The following DDX24 variants were observed in gnomAD, a reference collection of about 807,000 sequenced individuals.
DDX24 encodes the protein DEAD-box helicase 24.
DDX24 carries 24 observed loss-of-function variants against 68.9 expected under a neutral mutation model. That is an observed-to-expected ratio of 0.35 (90% confidence interval 0.25 to 0.49). The LOEUF (loss-of-function observed/expected upper bound fraction) is 0.49, where lower values mean the gene tolerates loss of function less well. Among genes scored for constraint, DDX24 ranks in the 20% least tolerant of loss-of-function variants. DDX24 has a pLI of 0.99. For missense variants in DDX24, 989 were observed against 1,039.0 expected, an observed-to-expected ratio of 0.95 and a Z score of 0.66; for synonymous variants, 395 against 385.2, an observed-to-expected ratio of 1.03 and a Z score of -0.30.
chr14:94,053,208 GTGTGTTTAAGGCAGGTATCACTC>G, intron 7 of DDX24, 81 bp from the exon 8 acceptor site: 1 of 1,589,776 alleles, frequency 6.3e-7, no homozygotes, highest in South Asian at 1.1e-5. Flanking sequence ...AGTTGTGTTT[GTGTGTTTAAGGCAGGTATCACTC>G]TGCTGCCCAG....
At chr14:94,057,676 G>A (rs991087936) in intron 6 of DDX24, 146 bp downstream of exon 6, 5 of 659,616 alleles carry the variant, frequency 7.6e-6, no homozygotes, top group Non-Finnish European at 1.3e-5. Context: ...TGTTGCAAAA[G>A]TGGGAGTAGT....
Position 94,079,481 on chromosome 14 carries a change from C to T in DDX24, c.262G>A (p.Glu88Lys). 6.2e-7 allele frequency: 1 copy of T among 1,614,070 alleles called. No homozygotes were observed. The highest frequency in any genetic ancestry group is 8.5e-7 in the Non-Finnish European group (1 of 1,180,026). Residue 88 changes from glutamate (E) to lysine (K), a missense_variant, in exon 2 of 9, where the codon GAG becomes AAG. By Grantham distance (56) the Glu-to-Lys change is moderately conservative. Transcript: ENST00000621632. ...TTTGGTGAGCTAGACTTTCCCTCCTCCTCCTCCTCTTCTTCTGAAACAGCT... is the reference window on the plus strand; with the variant it reads ...TTTGGTGAGCTAGACTTTCCCTCCTTCTCCTCCTCTTCTTCTGAAACAGCT... ...AQAVSEEEEE[E>K]EGKSSSPKKK...
At chr14:94,079,002 G>T in intron 2 of DDX24, 23 bp downstream of exon 2, 1 of 1,597,976 alleles carries the variant, frequency 6.3e-7, no homozygotes, top group Non-Finnish European at 8.5e-7. Context: ...AAGCAATCCT[G>T]CTTTGGCCAG....
At position 94,063,837 on chromosome 14, in the gene DDX24, A is replaced by T. The variant is rs1055751476; in HGVS notation, c.719-1216T>A. On this transcript the variant is annotated intron_variant, in intron 2 of 8. Coordinates refer to ENST00000621632, the MANE Select transcript of DDX24 (RefSeq NM_020414.4). The stretch of plus-strand genomic sequence containing the variant: ...AGGATTGCTTGAGCATGGGAGTTTG[A>T]GGCTGCAGTGAGCCATGATCGTGCC... 2.0e-5 allele frequency among the ~76,000 whole-genome samples: 3 copies of T among 152,228 alleles called. 1 individual carries two copies. The highest frequency in any genetic ancestry group is 1.9e-4 in the East Asian group (1 of 5,198).
In DDX24 at chr14:94,051,300, C is replaced by T. The variant is rs925425981; in HGVS notation, c.2471G>A (p.Ser824Asn). Residue 824 changes from serine to asparagine, a missense_variant, in exon 9 of 9, where the codon AGT becomes AAT. Transcript: ENST00000621632. ...GKPPLLVSAPSKSESALSCLS... is the reference protein window; with the variant it reads ...GKPPLLVSAPNKSESALSCLS... ...ACAGCTCAAAGCAGACTCGCTCTTACTTGGGGCAGACACAAGCAGGGGCGG... is the reference window on the plus strand; with the variant it reads ...ACAGCTCAAAGCAGACTCGCTCTTATTTGGGGCAGACACAAGCAGGGGCGG... 6.2e-7 allele frequency: 1 copy of T among 1,613,084 alleles called. No individual in the cohort carries two copies. The highest frequency in any genetic ancestry group is 1.3e-5 in the African/African-American group (1 of 74,858).
intron 2 of DDX24, among the ~76,000 whole-genome samples, chr14:94,078,667 T>C (rs8017510): frequency 0.32 from 48,383 of 152,048 alleles, 7,880 homozygotes; most frequent in Admixed American, 0.39. Context: ...CTTTGAGCTA[T>C]TTAGAAAAGG....
At position 94,055,029 on chromosome 14, in the gene DDX24, G is replaced by T; in HGVS notation, c.2145C>A (p.Phe715Leu). ...CATCCATGTATTTTGTCTGCACGGG[G>T]AACAGTGGGATATCCTCATCTTTCT... is the stretch of plus-strand genomic sequence containing the variant. ...TLKKDEDIPL[F>L]PVQTKYMDVV... The change falls in exon 7 of 9, where the codon TTC becomes TTA. Residue 715 changes from phenylalanine to leucine, a missense_variant. By Grantham distance (22) the Phe-to-Leu change is conservative. Coordinates refer to ENST00000621632, the MANE Select transcript of DDX24 (RefSeq NM_020414.4). 1 of 1,614,172 alleles carries T rather than the reference G, an allele frequency of 6.2e-7. No homozygotes were observed. The highest frequency in any genetic ancestry group is 1.1e-5 in the South Asian group (1 of 91,074).
intron 5 of DDX24, among the ~76,000 whole-genome samples, chr14:94,059,219 G>A (rs901441572): frequency 1.3e-5 from 2 of 152,202 alleles, no homozygotes; most frequent in Admixed American, 1.3e-4. Flanking sequence ...ATTACCCCAT[G>A]ACCTGACAAA....
At position 94,057,889 on chromosome 14, in the gene DDX24, A is replaced by G; in HGVS notation, c.1922T>C (p.Leu641Pro). The G allele has an allele frequency of 6.2e-7, 1 of 1,614,000 alleles. No homozygotes were observed. Among genetic ancestry groups the G allele is most frequent in the Non-Finnish European group, 8.5e-7 (1 of 1,179,956 alleles). The change falls in exon 6 of 9, where the codon CTC becomes CCC. Residue 641 changes from leucine to proline, a missense_variant. By Grantham distance (98) the Leu-to-Pro change is moderately conservative. Transcript: ENST00000621632. ...EQFARLEDCV[L>P]LATDVAARGL... ...CCGAGCTGCCACATCTGTTGCCAAG[A>G]GAACACAGCTGGGGTAGAGAGAGAA...
intron 2 of DDX24, among the ~76,000 whole-genome samples, chr14:94,064,093 T>TA (rs1271562358): frequency 6.6e-6 from 1 of 152,194 alleles, no homozygotes; most frequent in African/African-American, 2.4e-5. Flanking sequence ...TGCGAAGTAG[T>TA]AAATTACTTG....
chr14:94,053,660 C>T (rs1595372587), intron 7 of DDX24, among the ~76,000 whole-genome samples: 2 of 151,804 alleles, frequency 1.3e-5, no homozygotes, highest in African/African-American at 4.8e-5. Context: ...ACTAAAAATA[C>T]AAAATTAGCT....
Position 94,048,640 on chromosome 14 carries a change from T to C in DDX24, c.*2551A>G, listed in dbSNP as rs1309062868. 2 of 152,224 alleles carry C rather than the reference T, an allele frequency of 1.3e-5. No homozygotes were observed. The highest frequency in any genetic ancestry group is 3.8e-4 in the East Asian group (2 of 5,198). The allele number at this position is 152,224 out of a possible 1,614,324, so 9.4% of individuals were successfully genotyped here. A position where few individuals can be genotyped will look rare whatever the true frequency, so the allele number is the denominator to read the frequency against. ...TCATCGTATGGGCTCTGCAAAGGGA[T>C]ATTCCCCAACCTGTCCTTCCTGACA... On this transcript the variant is annotated 3_prime_UTR_variant, in exon 9 of 9. Transcript: ENST00000621632.
chr14:94,069,654 T>C (rs538588345), intron 2 of DDX24, among the ~76,000 whole-genome samples: 1 of 152,324 alleles, frequency 6.6e-6, no homozygotes, highest in South Asian at 2.1e-4. Context: ...ATCAAAAAGA[T>C]AACCCACCAT....
Position 94,079,606 on chromosome 14 carries a change from T to C in DDX24, c.137A>G (p.Asp46Gly). 6.2e-6 allele frequency: 10 copies of C among 1,614,112 alleles called. No individual in the cohort carries two copies. The highest frequency in any genetic ancestry group is 8.5e-6 in the Non-Finnish European group (10 of 1,180,008). Residue 46 changes from aspartate (D) to glycine (G), a missense_variant, in exon 2 of 9, where the codon GAC becomes GGC. Transcript: ENST00000621632. ...PNMFADGQMDDLVCFEELTDY... is the reference protein window; with the variant it reads ...PNMFADGQMDGLVCFEELTDY... ...TGTCAATTCCTCAAAGCACACCAAG[T>C]CATCCATCTGTCCATCTGCAAACAT...
chr14:94,068,760 A>T lies in DDX24; in HGVS notation c.719-6139T>A, dbSNP rs563328425. 5.3e-5 allele frequency among the ~76,000 whole-genome samples: 8 copies of T among 152,348 alleles called. No homozygotes were observed. The South Asian group carries it at 1.7e-3, about 32-fold the overall frequency. ...AAATTAAATAACCTGCTCCTGAATG[A>T]GCATTGGGTCAAAAACAAAATCAGT... On this transcript the variant is annotated intron_variant, in intron 2 of 8. Transcript: ENST00000621632.
At chr14:94,072,207 T>G (rs1320415479) in intron 2 of DDX24, among the ~76,000 whole-genome samples, 1 of 152,164 alleles carries the variant, frequency 6.6e-6, no homozygotes, top group Non-Finnish European at 1.5e-5. Context: ...CCAACCCAAA[T>G]GCCCATCAAT....
At chr14:94,080,738 CG>C (rs1390000839) in intron 1 of DDX24, among the ~76,000 whole-genome samples, 1 of 152,106 alleles carries the variant, frequency 6.6e-6, no homozygotes, top group African/African-American at 2.4e-5. Context: ...AAGAAACACG[CG>C]GGGTTCAACA....
Position 94,049,222 on chromosome 14 carries a change from G to T in DDX24, c.*1969C>A, listed in dbSNP as rs1161877398. The T allele has an allele frequency of 6.6e-6, 1 of 152,216 alleles. No individual in the cohort carries two copies. The highest frequency in any genetic ancestry group is 1.5e-5 in the Non-Finnish European group (1 of 68,072). The allele number at this position is 152,216 out of a possible 1,614,324, so 9.4% of individuals were successfully genotyped here. On this transcript the variant is annotated 3_prime_UTR_variant, in exon 9 of 9. Transcript: ENST00000621632. Reference sequence around the variant, plus strand: ...GGCAGGACACGGACAGTCATCAGGGGATCTATGTTTGGCTTATGGCAAGTG... The same window carrying T: ...GGCAGGACACGGACAGTCATCAGGGTATCTATGTTTGGCTTATGGCAAGTG...
chr14:94,070,270 CAA>C (rs1162297257), intron 2 of DDX24, among the ~76,000 whole-genome samples: 3 of 138,158 alleles, frequency 2.2e-5, no homozygotes, highest in East Asian at 2.1e-4. Flanking sequence ...AAAATGGTTG[CAA>C]AAAAAAAAAA....
Sources: allele counts gnomAD v4.1 joint callset (sites outside exome capture counted in the v4.1 genomes callset), GRCh38; gene constraint gnomAD v4.1.1; transcripts MANE v1.5; gene names NCBI Gene and HGNC (gene_info 2026-07-23, HGNC 2026-07-21).